PCDHGA8: variants seen among roughly 807,000 people sequenced by gnomAD.
PCDHGA8 encodes protocadherin gamma subfamily A, 8.
In PCDHGA8, 45 loss-of-function variants were observed where a neutral mutation model predicts 59.2. That is an observed-to-expected ratio of 0.76 (90% CI 0.60 to 0.98). The LOEUF (loss-of-function observed/expected upper bound fraction) is 0.98. PCDHGA8 is among the 50% of genes least tolerant of loss of function. The pLI is 0.00. For missense variants in PCDHGA8, 1,257 were observed against 1,196.2 expected (o/e 1.05, Z -0.75); for synonymous variants, 531 against 519.0 (o/e 1.02, Z -0.32).
intron 3 of PCDHGA8, among the ~76,000 whole-genome samples, chr5:141,509,089 G>C (rs1366018197): frequency 6.6e-6 from 1 of 152,158 alleles, no homozygotes; most frequent in Non-Finnish European, 1.5e-5. Context: ...ACATGAAATG[G>C]GGGCTGTAGA....
intron 1 of PCDHGA8, among the ~76,000 whole-genome samples, chr5:141,473,785 A>G (rs1240342191): frequency 6.6e-6 from 1 of 152,226 alleles, no homozygotes; most frequent in Non-Finnish European, 1.5e-5. Context: ...TTAATTCAAG[A>G]GCAGTATGAT....
Position 141,431,669 on chromosome 5 carries a change from A to G in PCDHGA8, c.2424+36432A>G, listed in dbSNP as rs2154554523. ...TTGTAATTCAGGGACAATATCAACA[A>G]TAGGGGAGTTGGACCACGAGGAGTC... On this transcript the variant is annotated intron_variant, in intron 1 of 3. Transcript: ENST00000398604. The surrounding 1 kb of genome is among the most constrained non-coding windows in gnomAD (Gnocchi z 4.8). 2 of 1,614,210 alleles carry G rather than the reference A, an allele frequency of 1.2e-6. No individual in the cohort carries two copies. Among genetic ancestry groups the G allele is most frequent in the South Asian group, 1.1e-5 (1 of 91,084 alleles).
chr5:141,399,213 T>C (rs2093770836), intron 1 of PCDHGA8: 1 of 1,613,852 alleles, frequency 6.2e-7, no homozygotes, highest in Non-Finnish European at 8.5e-7. Context: ...GAACACTAAT[T>C]GCTTTGATCA....
chr5:141,492,050 C>CT, intron 1 of PCDHGA8: 1 of 501,102 alleles, frequency 2.0e-6, no homozygotes, highest in Non-Finnish European at 3.5e-6. Flanking sequence ...AGATCCACCC[C>CT]TGCAGCCAGC....
chr5:141,467,693 G>A lies in PCDHGA8; in HGVS notation c.2425-27114G>A, dbSNP rs543886467. Among the ~76,000 whole-genome samples the A allele has an allele frequency of 2.0e-4, 30 of 152,110 alleles. No individual in the cohort carries two copies. In the South Asian group the frequency reaches 5.6e-3, roughly 28 times the overall value. On this transcript the variant is annotated intron_variant, in intron 1 of 3. Transcript: ENST00000398604. ...TTTTATTTTTTTTAGACAGGGTCTGGCTCTGTTGCCCAGGCTGGAGTGTAG... is the reference window on the plus strand; with the variant it reads ...TTTTATTTTTTTTAGACAGGGTCTGACTCTGTTGCCCAGGCTGGAGTGTAG...
At chr5:141,414,099 A>G in intron 1 of PCDHGA8, 1 of 1,593,504 alleles carries the variant, frequency 6.3e-7, no homozygotes, top group Non-Finnish European at 8.5e-7. Flanking sequence ...TAAAAATATC[A>G]GAAAATCTAG....
intron 1 of PCDHGA8, among the ~76,000 whole-genome samples, chr5:141,402,580 TA>T (rs2094282125): frequency 6.6e-6 from 1 of 152,226 alleles, no homozygotes; most frequent in Admixed American, 6.5e-5. Context: ...CTCAGATATC[TA>T]AAAAATAGAT....
Position 141,486,986 on chromosome 5 carries a change from T to C in PCDHGA8, c.2425-7821T>C. Reference sequence around the variant, plus strand: ...GGACTTGGATTCAGGTTACAATGCTTGGGTTTCCTATCAGCTCCTGGAGGC... The same window carrying C: ...GGACTTGGATTCAGGTTACAATGCTCGGGTTTCCTATCAGCTCCTGGAGGC... On this transcript the variant is annotated intron_variant, in intron 1 of 3. Coordinates refer to ENST00000398604, the MANE Select transcript of PCDHGA8 (RefSeq NM_032088.2). The surrounding 1 kb of genome is among the most constrained non-coding windows in gnomAD (Gnocchi z 5.0). 6.2e-7 allele frequency: 1 copy of C among 1,614,214 alleles called. No homozygotes were observed. Among genetic ancestry groups the C allele is most frequent in the South Asian group, 1.1e-5 (1 of 91,088 alleles).
chr5:141,491,131 G>A lies in PCDHGA8; in HGVS notation c.2425-3676G>A. 1 of 1,614,182 alleles carries A rather than the reference G, an allele frequency of 6.2e-7. No individual in the cohort carries two copies. Among genetic ancestry groups the A allele is most frequent in the Non-Finnish European group, 8.5e-7 (1 of 1,180,008 alleles). ...TACACACACTGGTGAGGTGCGCACA[G>A]CCCGGGCCTTACTGGAGGATGACTC... On this transcript the variant is annotated intron_variant, in intron 1 of 3. Coordinates refer to ENST00000398604, the MANE Select transcript of PCDHGA8 (RefSeq NM_032088.2). This position sits in a 1 kb window ranked among gnomAD's most constrained non-coding sequence, Gnocchi z 6.9.
At chr5:141,419,702 G>T (rs116279995) in intron 1 of PCDHGA8, 2 of 1,612,834 alleles carry the variant, frequency 1.2e-6, no homozygotes, top group East Asian at 4.5e-5. Context: ...CAGTGAGCCC[G>T]GGCTCTTCAG....
In PCDHGA8 at chr5:141,489,327, G is replaced by A; in HGVS notation, c.2425-5480G>A. The A allele has an allele frequency of 6.2e-7, 1 of 1,603,940 alleles. No individual in the cohort carries two copies. Among genetic ancestry groups the A allele is most frequent in the South Asian group, 1.1e-5 (1 of 89,400 alleles). ...TGTGCTGCTGGGGCTGGGTGTCTGG[G>A]CAGCTTCGTTACTCAGTGGTGGAGG... is the stretch of plus-strand genomic sequence containing the variant. On this transcript the variant is annotated intron_variant, in intron 1 of 3. Transcript: ENST00000398604. This position sits in a 1 kb window ranked among gnomAD's most constrained non-coding sequence, Gnocchi z 4.5.
At chr5:141,457,071 C>T in intron 1 of PCDHGA8, among the ~76,000 whole-genome samples, 1 of 152,188 alleles carries the variant, frequency 6.6e-6, no homozygotes, top group Non-Finnish European at 1.5e-5. Context: ...TTGCCAGTAA[C>T]TATTATCCCT....
At chr5:141,405,649 T>C (rs954605890) in intron 1 of PCDHGA8, 14 of 527,576 alleles carry the variant, frequency 2.7e-5, no homozygotes, top group Non-Finnish European at 6.7e-6. Flanking sequence ...TAATTTTTTG[T>C]GTGTTTTTAG....
intron 1 of PCDHGA8, among the ~76,000 whole-genome samples, chr5:141,438,593 T>C (rs982159150): frequency 4.1e-5 from 3 of 73,984 alleles, no homozygotes; most frequent in Non-Finnish European, 5.5e-5. Flanking sequence ...CATACATACA[T>C]ATATATATAT....
intron 1 of PCDHGA8, chr5:141,427,649 C>T (rs1283312654): frequency 1.4e-6 from 1 of 717,274 alleles, no homozygotes; most frequent in East Asian, 2.7e-5. Context: ...AAGTCTCCTA[C>T]GTGGTCCACG....
chr5:141,431,424 G>T lies in PCDHGA8; in HGVS notation c.2424+36187G>T, dbSNP rs747132868. 6.8e-6 allele frequency: 11 copies of T among 1,613,676 alleles called. No homozygotes were observed. The highest frequency in any genetic ancestry group is 5.9e-6 in the Non-Finnish European group (7 of 1,180,028). On this transcript the variant is annotated intron_variant, in intron 1 of 3. Coordinates refer to ENST00000398604, the MANE Select transcript of PCDHGA8 (RefSeq NM_032088.2). The surrounding 1 kb of genome is among the most constrained non-coding windows in gnomAD (Gnocchi z 4.8). ...GCCTCCGACGGGGGCGACCCGGTGC[G>T]CACAGGCACCGCGCGCATCCGCGTG...
chr5:141,400,645 G>A, intron 1 of PCDHGA8: 1 of 1,239,756 alleles, frequency 8.1e-7, no homozygotes, highest in Non-Finnish European at 1.2e-6. Context: ...TGCTCAGAAA[G>A]CTGTCCTACC....
In PCDHGA8 at chr5:141,400,602, A is replaced by C; in HGVS notation, c.2424+5365A>C. 3.1e-6 allele frequency: 5 copies of C among 1,590,234 alleles called. No homozygotes were observed. In the South Asian group the frequency reaches 5.6e-5, roughly 18 times the overall value. ...TTACATGAAACTATCGTACATTTTCAAGTCCAATGAGTTGTCTTAGGGAAG... is the reference window on the plus strand; with the variant it reads ...TTACATGAAACTATCGTACATTTTCCAGTCCAATGAGTTGTCTTAGGGAAG... On this transcript the variant is annotated intron_variant, in intron 1 of 3. Transcript: ENST00000398604.
intron 1 of PCDHGA8, chr5:141,478,378 G>A (rs1454112813): frequency 6.2e-7 from 1 of 1,613,558 alleles, no homozygotes; most frequent in Admixed American, 1.7e-5. Context: ...TGATGTCGCC[G>A]CACCTTTACC....
Sources: allele counts gnomAD v4.1 joint callset (sites outside exome capture counted in the v4.1 genomes callset), GRCh38; gene constraint gnomAD v4.1.1; non-coding constraint Gnocchi (gnomAD v3.1); transcripts MANE v1.5; gene names NCBI Gene and HGNC (gene_info 2026-07-23, HGNC 2026-07-21).